The following CATSPERE variants were observed in gnomAD, a reference collection of about 807,000 sequenced individuals.
The protein encoded by CATSPERE is cation channel sperm-associated auxiliary subunit epsilon.
A neutral mutation model predicts 114.1 loss-of-function variants in CATSPERE; 93 were observed. The observed-to-expected ratio is 0.81, with a 90% confidence interval of 0.69 to 0.97. The LOEUF (loss-of-function observed/expected upper bound fraction) is 0.97. Ranked by LOEUF, CATSPERE falls within the 50% of genes least tolerant of loss-of-function variation. CATSPERE has a pLI of 0.00. For missense variants in CATSPERE, 1,058 were observed against 1,131.6 expected, an observed-to-expected ratio of 0.93 and a Z score of 0.93; for synonymous variants, 341 against 384.1, an observed-to-expected ratio of 0.89 and a Z score of 1.31.
At chr1:244,464,843 T>C (rs1336370093) in intron 2 of CATSPERE, among the ~76,000 whole-genome samples, 2 of 152,120 alleles carry the variant, frequency 1.3e-5, no homozygotes, top group African/African-American at 2.4e-5. Context: ...ATTTTCTGCC[T>C]TTTTCTTACT....
intron 5 of CATSPERE, among the ~76,000 whole-genome samples, chr1:244,485,166 T>C (rs1670794222): frequency 6.8e-6 from 1 of 146,126 alleles, no homozygotes; most frequent in Admixed American, 7.0e-5. Flanking sequence ...ATTCACATTG[T>C]CTTTTTTCTT....
chr1:244,625,375 T>A (rs1672977217), intron 20 of CATSPERE, among the ~76,000 whole-genome samples: 2 of 114,014 alleles, frequency 1.8e-5, no homozygotes, highest in East Asian at 4.8e-4. Context: ...TTATTTATTT[T>A]TTACTTTATT....
chr1:244,497,891 T>C (rs1196483292), intron 6 of CATSPERE, among the ~76,000 whole-genome samples: 2 of 152,012 alleles, frequency 1.3e-5, no homozygotes, highest in African/African-American at 4.8e-5. Context: ...AAACCTGATG[T>C]TGGGAAAGAA....
intron 8 of CATSPERE, among the ~76,000 whole-genome samples, 200 bp from the exon 9 acceptor site, chr1:244,552,122 C>T (rs1238385443): frequency 6.8e-6 from 1 of 146,068 alleles, no homozygotes; most frequent in Non-Finnish European, 1.5e-5. Flanking sequence ...ACAGAAACAG[C>T]TGCAAGAGTC....
intron 18 of CATSPERE, among the ~76,000 whole-genome samples, chr1:244,609,602 C>G (rs1484719353): frequency 6.6e-6 from 1 of 151,842 alleles, no homozygotes; most frequent in Non-Finnish European, 1.5e-5. Flanking sequence ...ATCACCACTT[C>G]TAGGCAACAC....
intron 10 of CATSPERE, among the ~76,000 whole-genome samples, chr1:244,561,790 G>T (rs944252364): frequency 6.6e-6 from 1 of 152,048 alleles, no homozygotes; most frequent in Non-Finnish European, 1.5e-5. Context: ...ATTCATAAGT[G>T]TATGAAGTAT....
intron 11 of CATSPERE, among the ~76,000 whole-genome samples, chr1:244,577,473 G>A (rs1029857710): frequency 1.3e-5 from 2 of 152,140 alleles, no homozygotes; most frequent in African/African-American, 4.8e-5. Flanking sequence ...ACTCAAACCA[G>A]GTGGCTTATA....
At chr1:244,525,547 A>T (rs1678449615) in intron 8 of CATSPERE, among the ~76,000 whole-genome samples, 1 of 152,128 alleles carries the variant, frequency 6.6e-6, no homozygotes, top group Admixed American at 6.5e-5. Context: ...GATACGCAAC[A>T]ATGAAACACT....
At chr1:244,505,046 T>C (rs1305629708) in intron 7 of CATSPERE, among the ~76,000 whole-genome samples, 1 of 152,264 alleles carries the variant, frequency 6.6e-6, no homozygotes, top group Non-Finnish European at 1.5e-5. Context: ...ATTTATTTTA[T>C]GTTTTGGGTT....
chr1:244,460,574 C>A (rs12082691), upstream of CATSPERE, among the ~76,000 whole-genome samples: 1 of 152,236 alleles, frequency 6.6e-6, no homozygotes, highest in Non-Finnish European at 1.5e-5. Context: ...TAATAAAACT[C>A]CAGTCTCCTG....
intron 7 of CATSPERE, among the ~76,000 whole-genome samples, chr1:244,517,475 A>C (rs986833137): frequency 6.6e-6 from 1 of 151,912 alleles, no homozygotes; most frequent in African/African-American, 2.4e-5. Flanking sequence ...ATTTCTCTAT[A>C]AACATCATCA....
At chr1:244,540,272 C>A (rs1032661199) in intron 8 of CATSPERE, among the ~76,000 whole-genome samples, 1 of 143,864 alleles carries the variant, frequency 7.0e-6, no homozygotes, top group Non-Finnish European at 1.5e-5. Context: ...TTGTCTCAGC[C>A]CAAAATCTCC....
At chr1:244,510,835 CTTTTTTTTTTTT>C (rs747921082) in intron 7 of CATSPERE, among the ~76,000 whole-genome samples, 3,832 of 48,726 alleles carry the variant, frequency 0.079, 239 homozygotes, top group African/African-American at 0.24. Context: ...TTTTCTTTTT[CTTTTTTTTTTTT>C]TTTTTTTTTT....
chr1:244,560,409 G>C (rs372213472), intron 9 of CATSPERE, among the ~76,000 whole-genome samples: 9 of 151,290 alleles, frequency 5.9e-5, no homozygotes, highest in South Asian at 2.1e-4. Context: ...GGGCGGGGGT[G>C]GGGGGGCAGG....
intron 20 of CATSPERE, among the ~76,000 whole-genome samples, chr1:244,632,668 A>T (rs1674115703): frequency 6.6e-6 from 1 of 152,016 alleles, no homozygotes; most frequent in African/African-American, 2.4e-5. Flanking sequence ...TATAAAAGCC[A>T]ATAGGGAAGA....
At chr1:244,460,899 C>A (rs1288777480), upstream of CATSPERE, among the ~76,000 whole-genome samples, 1 of 152,252 alleles carries the variant, frequency 6.6e-6, no homozygotes, top group Non-Finnish European at 1.5e-5. Context: ...GCCTGGGGGA[C>A]AGAGTGTGAC....
Position 244,474,728 on chromosome 1 carries a change from TTTC to T in CATSPERE, c.115-2804_115-2802del, listed in dbSNP as rs1180496696. Among the ~76,000 whole-genome samples the T allele has an allele frequency of 1.2e-3, 185 of 150,652 alleles. 1 individual carries two copies. Among genetic ancestry groups the T allele is most frequent in the African/African-American group, 4.2e-3 (171 of 40,914 alleles). ...AATCATTTTTTAATCCCTTCTTTTT[TTTC>T]TTCTTCTTTTTTTTTTTTTTTTTGG... On this transcript the variant is annotated intron_variant, in intron 2 of 21. Coordinates refer to ENST00000366534, the MANE Select transcript of CATSPERE (RefSeq NM_001130957.2).
At chr1:244,451,494 C>T (rs1665598482), upstream of CATSPERE, 1 of 935,770 alleles carries the variant, frequency 1.1e-6, no homozygotes, top group Non-Finnish European at 1.5e-6. This position sits in a 1 kb window ranked among gnomAD's most constrained non-coding sequence, Gnocchi z 6.6. Flanking sequence ...AGCCGCAGCT[C>T]AGGACAGGAG....
In CATSPERE at chr1:244,516,573, G is replaced by A. The variant is rs189805877; in HGVS notation, c.430-2019G>A. On this transcript the variant is annotated intron_variant, in intron 7 of 21. Transcript: ENST00000366534. The stretch of plus-strand genomic sequence containing the variant: ...GAGTCTCTCTGTTGCCCAGGCTGGA[G>A]TGCAGTGGCACGATATCAACTCACT... Among the ~76,000 whole-genome samples, 1,101 of 151,948 alleles carry A rather than the reference G, an allele frequency of 7.2e-3. 9 individuals are homozygous for A. Among genetic ancestry groups the A allele is most frequent in the Non-Finnish European group, 0.011 (765 of 67,950 alleles).
Sources: gnomAD v4.1 joint callset for allele counts (sites outside exome capture counted in the v4.1 genomes callset) on GRCh38, gnomAD v4.1.1 for gene constraint, Gnocchi (gnomAD v3.1) non-coding constraint, MANE v1.5 for transcripts, NCBI Gene and HGNC (gene_info 2026-07-23, HGNC 2026-07-21) for gene names.